Variants in SMYD3 observed in about 807,000 individuals in gnomAD.
SMYD3 encodes the protein SET and MYND domain containing 3.
Under a neutral mutation model 57.7 loss-of-function variants are expected in SMYD3, and 36 were observed. That is an observed-to-expected ratio of 0.62 (90% confidence interval 0.48 to 0.82). The LOEUF is 0.82. SMYD3 is among the 40% of genes least tolerant of loss of function. The probability of loss-of-function intolerance (pLI) is 0.00; values close to 1 mark genes in which losing one functional copy is unlikely to be tolerated. For synonymous variants in SMYD3, 211 were observed against 195.0 expected (o/e 1.08, Z -0.68); for missense variants, 515 against 538.8 (o/e 0.96, Z 0.44).
chr1:246,270,540 C>T (rs955802196), intron 5 of SMYD3, among the ~76,000 whole-genome samples: 4 of 152,174 alleles, frequency 2.6e-5, no homozygotes, highest in Admixed American at 2.6e-4. Context: ...TTTGACTCCT[C>T]TAAGTATCTC....
chr1:246,282,840 A>G (rs2064483471), intron 5 of SMYD3, among the ~76,000 whole-genome samples: 1 of 152,256 alleles, frequency 6.6e-6, no homozygotes, highest in Admixed American at 6.5e-5. Context: ...AGAAAATGTA[A>G]TAAATCAACC....
chr1:246,138,377 A>G (rs1451607786), intron 5 of SMYD3, among the ~76,000 whole-genome samples: 1 of 152,024 alleles, frequency 6.6e-6, no homozygotes, highest in African/African-American at 2.4e-5. Context: ...ACCTGACTGC[A>G]TTTTGGTCAG....
intron 5 of SMYD3, among the ~76,000 whole-genome samples, chr1:246,009,805 C>CTTT (rs74163100): frequency 1.5e-3 from 110 of 75,492 alleles, no homozygotes; most frequent in Middle Eastern, 8.5e-3. Context: ...CATGTAAGAT[C>CTTT]TTTTTTTTTT....
intron 9 of SMYD3, among the ~76,000 whole-genome samples, chr1:245,862,716 A>G (rs1310040052): frequency 2.6e-5 from 4 of 152,220 alleles, no homozygotes; most frequent in African/African-American, 9.7e-5. Flanking sequence ...TAGCTTTGCT[A>G]ACATCTAATG....
At chr1:245,861,612 C>G (rs1270719021) in intron 9 of SMYD3, among the ~76,000 whole-genome samples, 2 of 152,180 alleles carry the variant, frequency 1.3e-5, no homozygotes, top group African/African-American at 4.8e-5. Flanking sequence ...CCAGCAGCTT[C>G]TCAGTAGCAA....
intron 5 of SMYD3, among the ~76,000 whole-genome samples, chr1:246,188,253 A>G (rs952748213): frequency 6.6e-6 from 1 of 152,188 alleles, no homozygotes; most frequent in Non-Finnish European, 1.5e-5. Flanking sequence ...CCTGGCCTAG[A>G]GCTAGAAATA....
intron 10 of SMYD3, among the ~76,000 whole-genome samples, chr1:245,837,063 G>T (rs73136778): frequency 0.028 from 4,215 of 152,172 alleles, 178 homozygotes; most frequent in African/African-American, 0.095. Context: ...GATGCCAGTA[G>T]TTGGGCGCAG....
At chr1:246,436,000 T>C (rs1026527172) in intron 1 of SMYD3, among the ~76,000 whole-genome samples, 1 of 152,138 alleles carries the variant, frequency 6.6e-6, no homozygotes, top group Non-Finnish European at 1.5e-5. Context: ...TAGTTGTTAC[T>C]CAACATTTCC....
chr1:246,341,630 G>T (rs1443561449), intron 2 of SMYD3, among the ~76,000 whole-genome samples: 1 of 152,136 alleles, frequency 6.6e-6, no homozygotes, highest in Non-Finnish European at 1.5e-5. Context: ...ATAAGAGATG[G>T]TCTTGATTAC....
intron 5 of SMYD3, among the ~76,000 whole-genome samples, chr1:246,016,403 T>C (rs1002296187): frequency 1.3e-5 from 2 of 151,682 alleles, no homozygotes; most frequent in Admixed American, 6.6e-5. Flanking sequence ...GTCAACGTGG[T>C]GAAACCCAGT....
chr1:245,989,580 C>A (rs2058773203), intron 5 of SMYD3, among the ~76,000 whole-genome samples: 1 of 152,248 alleles, frequency 6.6e-6, no homozygotes, highest in South Asian at 2.1e-4. Context: ...GAGTGGTTAA[C>A]TGGATACAAA....
intron 8 of SMYD3, among the ~76,000 whole-genome samples, chr1:245,889,853 A>G (rs1454206149): frequency 6.6e-6 from 1 of 152,236 alleles, no homozygotes; most frequent in Non-Finnish European, 1.5e-5. Flanking sequence ...ACAGAGCTAT[A>G]GTAACCAAAA....
chr1:246,373,017 C>A (rs35843971), intron 1 of SMYD3, among the ~76,000 whole-genome samples: 79,459 of 151,766 alleles, frequency 0.52, 21,543 homozygotes, highest in Middle Eastern at 0.71. Context: ...TAAAGGTATT[C>A]TAATCATAAT....
Position 246,273,207 on chromosome 1 carries a change from A to C in SMYD3, c.531+53994T>G, listed in dbSNP as rs375185829. ...CTCTGTTTCCCAGGCTGGAGTGCAG[A>C]GGCACAACCTCGGCTCACTACAGCC... On this transcript the variant is annotated intron_variant, in intron 5 of 11. Coordinates refer to ENST00000490107, the MANE Select transcript of SMYD3 (RefSeq NM_001167740.2). Among the ~76,000 whole-genome samples, 29 of 136,086 alleles carry C rather than the reference A, an allele frequency of 2.1e-4. No homozygotes were observed. In the East Asian group the frequency reaches 6.7e-3, roughly 32 times the overall value. 89.3% of individuals were successfully genotyped at this position (136,086 alleles called of 152,430 possible).
At chr1:245,945,676 T>C (rs925314026) in intron 5 of SMYD3, among the ~76,000 whole-genome samples, 9 of 152,220 alleles carry the variant, frequency 5.9e-5, no homozygotes, top group African/African-American at 2.2e-4. Context: ...TCTATTTTCT[T>C]TGCAGCACTA....
intron 5 of SMYD3, among the ~76,000 whole-genome samples, chr1:245,955,604 A>G (rs1424624000): frequency 6.6e-6 from 1 of 152,170 alleles, no homozygotes; most frequent in Non-Finnish European, 1.5e-5. Context: ...AGTACAGTAT[A>G]TTGTTATAAT....
In SMYD3 at chr1:245,977,053, C is replaced by CAGGGAAAGCCATCGTCTCCGGCCT. The variant is rs1558551499; in HGVS notation, c.532-47117_532-47116insAGGCCGGAGACGATGGCTTTCCCT. On this transcript the variant is annotated intron_variant, in intron 5 of 11. Coordinates refer to ENST00000490107, the MANE Select transcript of SMYD3 (RefSeq NM_001167740.2). ...CCAGGGAAAGCCATCGTCTCCGGCC[C>CAGGGAAAGCCATCGTCTCCGGCCT]AGGGAAAGCCATCGTCTCTAGCCTA... 1.2e-3 allele frequency among the ~76,000 whole-genome samples: 45 copies of CAGGGAAAGCCATCGTCTCCGGCCT among 37,388 alleles called. 14 individuals are homozygous for CAGGGAAAGCCATCGTCTCCGGCCT. The highest frequency in any genetic ancestry group is 0.011 in the Admixed American group (28 of 2,614). 24.5% of individuals were successfully genotyped at this position (37,388 alleles called of 152,430 possible).
chr1:246,154,538 G>A (rs113790920), intron 5 of SMYD3, among the ~76,000 whole-genome samples: 143 of 152,244 alleles, frequency 9.4e-4, no homozygotes, highest in African/African-American at 3.3e-3. Flanking sequence ...AGTGTTTTCT[G>A]CTTTCCTTTA....
intron 5 of SMYD3, among the ~76,000 whole-genome samples, chr1:246,290,460 T>G (rs2064667433): frequency 6.6e-6 from 1 of 152,188 alleles, no homozygotes; most frequent in Admixed American, 6.5e-5. Flanking sequence ...AAAAGTTTCT[T>G]CATCAATGAA....
Sources: allele counts gnomAD v4.1 joint callset (sites outside exome capture counted in the v4.1 genomes callset), GRCh38; gene constraint gnomAD v4.1.1; transcripts MANE v1.5; gene names NCBI Gene and HGNC (gene_info 2026-07-23, HGNC 2026-07-21).